Variants in SLC24A3 observed in about 807,000 individuals in gnomAD.
The protein encoded by SLC24A3 is sodium/potassium/calcium exchanger 3.
A neutral mutation model predicts 75.8 loss-of-function variants in SLC24A3; 28 were observed. The observed-to-expected ratio is 0.37, with a 90% CI of 0.27 to 0.51. SLC24A3 has a LOEUF of 0.51. Ranked by LOEUF, SLC24A3 falls within the 20% of genes least tolerant of loss-of-function variation. The pLI is 0.94. For missense variants in SLC24A3, 663 were observed against 847.8 expected (o/e 0.78, Z 2.71); for synonymous variants, 372 against 334.1 (o/e 1.11, Z -1.24).
At chr20:19,472,295 A>T (rs1987887684) in intron 2 of SLC24A3, among the ~76,000 whole-genome samples, 1 of 152,188 alleles carries the variant, frequency 6.6e-6, no homozygotes, top group South Asian at 2.1e-4. Flanking sequence ...TGGGTGGTCA[A>T]CTCTAGGGGT....
chr20:19,297,842 A>T (rs956860708), intron 2 of SLC24A3, among the ~76,000 whole-genome samples: 23 of 152,248 alleles, frequency 1.5e-4, no homozygotes, highest in Admixed American at 1.5e-3. Flanking sequence ...AGGGCCAGTT[A>T]TCCCTAATAT....
intron 3 of SLC24A3, among the ~76,000 whole-genome samples, chr20:19,536,610 A>G (rs1271912496): frequency 6.6e-6 from 1 of 152,220 alleles, no homozygotes; most frequent in Admixed American, 6.5e-5. Context: ...GCATCACGCT[A>G]CCTGACTTCA....
At chr20:19,707,621 A>G (rs938002614) in intron 15 of SLC24A3, among the ~76,000 whole-genome samples, 1 of 152,134 alleles carries the variant, frequency 6.6e-6, no homozygotes, top group African/African-American at 2.4e-5. Context: ...GCTGATGACA[A>G]AAAGAGATTC....
chr20:19,252,324 A>T (rs112475388), intron 1 of SLC24A3, among the ~76,000 whole-genome samples: 418 of 152,290 alleles, frequency 2.7e-3, no homozygotes, highest in African/African-American at 9.5e-3. Flanking sequence ...GGCAGATAGG[A>T]GGCAGGGTGA....
intron 12 of SLC24A3, among the ~76,000 whole-genome samples, chr20:19,690,446 T>A (rs563135548): frequency 6.6e-6 from 1 of 152,330 alleles, no homozygotes; most frequent in South Asian, 2.1e-4. Context: ...TTTTTTTTAT[T>A]TTCTGAAGAA....
Position 19,277,406 on chromosome 20 carries a change from T to C in SLC24A3, c.143-3553T>C, listed in dbSNP as rs576520920. On this transcript the variant is annotated intron_variant, in intron 1 of 16. Transcript: ENST00000328041. ...TGTAGCCACGGATTGGCTCTGATCT[T>C]AGGCAAATTGCTTATCCTCTGACTT... Among the ~76,000 whole-genome samples, 4 of 152,364 alleles carry C rather than the reference T, an allele frequency of 2.6e-5. No individual in the cohort carries two copies. The South Asian group carries it at 6.2e-4, about 24-fold the overall frequency.
At chr20:19,481,665 G>T (rs1988056201) in intron 2 of SLC24A3, among the ~76,000 whole-genome samples, 1 of 152,122 alleles carries the variant, frequency 6.6e-6, no homozygotes, top group Admixed American at 6.5e-5. Context: ...GATGTTGGCA[G>T]GACAGCTGGG....
intron 9 of SLC24A3, among the ~76,000 whole-genome samples, chr20:19,675,792 A>G (rs34563517): frequency 6.6e-6 from 1 of 152,212 alleles, no homozygotes; most frequent in Non-Finnish European, 1.5e-5. Context: ...CCCCCAAAGG[A>G]AAAGCCTTTA....
intron 15 of SLC24A3, among the ~76,000 whole-genome samples, chr20:19,709,820 C>G (rs6035423): frequency 0.7 from 107,033 of 152,024 alleles, 38,112 homozygotes; most frequent in East Asian, 0.94. Context: ...GGTTTAACCT[C>G]TCTGAGCCTC....
intron 3 of SLC24A3, among the ~76,000 whole-genome samples, chr20:19,562,982 T>C (rs1490334457): frequency 1.3e-5 from 2 of 152,120 alleles, no homozygotes; most frequent in Non-Finnish European, 2.9e-5. Flanking sequence ...CAAAGCTAGA[T>C]TGTAGGGTGA....
intron 1 of SLC24A3, among the ~76,000 whole-genome samples, chr20:19,223,161 G>A (rs745705026): frequency 6.6e-6 from 1 of 152,080 alleles, no homozygotes. Context: ...GTGAAGTGGC[G>A]CATGCCTGTA....
intron 2 of SLC24A3, chr20:19,355,139 C>T (rs1036898613): frequency 2.0e-5 from 3 of 152,194 alleles, no homozygotes; most frequent in South Asian, 2.1e-4. Context: ...GGAACCCAGC[C>T]GGCTCTCCAT....
At chr20:19,493,986 G>A (rs919453826) in intron 2 of SLC24A3, among the ~76,000 whole-genome samples, 9 of 152,200 alleles carry the variant, frequency 5.9e-5, no homozygotes, top group African/African-American at 9.6e-5. Context: ...CTAGCTTGCC[G>A]CATTCCAAGT....
rs956087499 is a variant in SLC24A3, at chr20:19,611,217, T to C, written c.612+25673T>C. ...ATGCAGATTCAACAGGCGGGCAGAC[T>C]CAGCTTAGAGCAGAAGATGGATATC... On this transcript the variant is annotated intron_variant, in intron 6 of 16. Coordinates refer to ENST00000328041, the MANE Select transcript of SLC24A3 (RefSeq NM_020689.4). 3.3e-5 allele frequency among the ~76,000 whole-genome samples: 5 copies of C among 152,278 alleles called. No individual in the cohort carries two copies. In the East Asian group the frequency reaches 7.7e-4, roughly 24 times the overall value.
intron 2 of SLC24A3, among the ~76,000 whole-genome samples, chr20:19,359,798 T>C (rs1985754056): frequency 6.6e-6 from 1 of 152,142 alleles, no homozygotes; most frequent in Admixed American, 6.5e-5. Flanking sequence ...CCAAAATTGT[T>C]TGGGAGGTAA....
intron 12 of SLC24A3, among the ~76,000 whole-genome samples, chr20:19,689,615 C>A (rs2032722282): frequency 1.3e-5 from 2 of 152,184 alleles, no homozygotes; most frequent in Non-Finnish European, 2.9e-5. Context: ...GAAGAATAAA[C>A]CTATCCCCCT....
intron 2 of SLC24A3, among the ~76,000 whole-genome samples, chr20:19,433,480 A>T (rs1987138915): frequency 6.6e-6 from 1 of 152,228 alleles, no homozygotes; most frequent in Non-Finnish European, 1.5e-5. Context: ...TTGCATCTGC[A>T]TCTCTTTGAT....
intron 3 of SLC24A3, among the ~76,000 whole-genome samples, chr20:19,567,700 T>G (rs2030982379): frequency 6.6e-6 from 1 of 152,154 alleles, no homozygotes; most frequent in Admixed American, 6.5e-5. Flanking sequence ...TCCAAAACCA[T>G]GTCTCAGTCA....
Position 19,563,363 on chromosome 20 carries a change from G to C in SLC24A3, c.349-16637G>C, listed in dbSNP as rs556114834. On this transcript the variant is annotated intron_variant, in intron 3 of 16. Transcript: ENST00000328041. ...TACACCCACAAGAAGTTGCCTGCTT[G>C]AGAAACATACAAAAGAAACTTGAAA... is the stretch of plus-strand genomic sequence containing the variant. 1.1e-4 allele frequency among the ~76,000 whole-genome samples: 17 copies of C among 152,240 alleles called. No homozygotes were observed. In the South Asian group the frequency reaches 2.1e-3, roughly 19 times the overall value.
Sources: allele counts gnomAD v4.1 joint callset (sites outside exome capture counted in the v4.1 genomes callset), GRCh38; gene constraint gnomAD v4.1.1; transcripts MANE v1.5; gene names NCBI Gene and HGNC (gene_info 2026-07-23, HGNC 2026-07-21).